The following SPAST variants were observed in gnomAD, a reference collection of about 807,000 sequenced individuals.
The protein encoded by SPAST is spastic paraplegia 4 (autosomal dominant; spastin).
SPAST carries 30 observed loss-of-function variants against 76.6 expected under a neutral mutation model. That is an observed-to-expected ratio of 0.39 (90% CI 0.29 to 0.53). The LOEUF (loss-of-function observed/expected upper bound fraction) is 0.53. SPAST is among the 20% of genes least tolerant of loss of function. SPAST has a pLI of 0.68. For synonymous variants in SPAST, 305 were observed against 281.0 expected (o/e 1.09, Z -0.86); for missense variants, 717 against 770.5 (o/e 0.93, Z 0.82).
intron 1 of SPAST, among the ~76,000 whole-genome samples, chr2:32,083,848 C>T (rs72796853): frequency 0.023 from 3,234 of 141,634 alleles, 47 homozygotes; most frequent in Non-Finnish European, 0.036. Context: ...TCTTGGCTTA[C>T]CGCAACCTCA....
In SPAST at chr2:32,156,666, C is replaced by A. The variant is rs1236768342; in HGVS notation, c.*2170C>A. Reference sequence around the variant, plus strand: ...TCATTGTTTTCATTTAAAAGATTAACGTTATTGATACTTGGATAACTGGCT... The same window carrying A: ...TCATTGTTTTCATTTAAAAGATTAAAGTTATTGATACTTGGATAACTGGCT... On this transcript the variant is annotated 3_prime_UTR_variant, in exon 17 of 17. Transcript: ENST00000315285. 2.0e-5 allele frequency: 3 copies of A among 147,222 alleles called. No individual in the cohort carries two copies. The highest frequency in any genetic ancestry group is 4.5e-5 in the Non-Finnish European group (3 of 66,474). 9.1% of individuals were successfully genotyped at this position (147,222 alleles called of 1,614,324 possible).
chr2:32,100,973 C>T (rs1329865849), intron 4 of SPAST, among the ~76,000 whole-genome samples: 1 of 152,148 alleles, frequency 6.6e-6, no homozygotes, highest in Non-Finnish European at 1.5e-5. Context: ...TGGGTATATA[C>T]CCAGTAATGG....
At chr2:32,125,583 A>G (rs1400100442) in intron 7 of SPAST, among the ~76,000 whole-genome samples, 2 of 151,770 alleles carry the variant, frequency 1.3e-5, no homozygotes, top group Non-Finnish European at 2.9e-5. Context: ...AAGTACATAC[A>G]CCTTCACTGT....
intron 1 of SPAST, among the ~76,000 whole-genome samples, chr2:32,077,395 A>G (rs1306977346): frequency 2.6e-5 from 4 of 152,192 alleles, no homozygotes. Context: ...AGGAGGATTT[A>G]AGTTAATCAA....
rs1269464274 is a variant in SPAST at position 32,088,515 on chromosome 2, G to A, written c.502+937G>A. 3.9e-5 allele frequency among the ~76,000 whole-genome samples: 6 copies of A among 152,112 alleles called. No individual in the cohort carries two copies. The East Asian group carries it at 9.6e-4, about 24-fold the overall frequency. ...CAAAATTAGCCAGGCGTGGTGTCGC[G>A]CACCTGTAATTGCAGCTACTTGGGA... On this transcript the variant is annotated intron_variant, in intron 2 of 16. Coordinates refer to ENST00000315285, the MANE Select transcript of SPAST (RefSeq NM_014946.4).
At chr2:32,138,053 A>C (rs1679598451) in intron 12 of SPAST, among the ~76,000 whole-genome samples, 1 of 152,106 alleles carries the variant, frequency 6.6e-6, no homozygotes. Flanking sequence ...CATTTTCTTT[A>C]TCCAGTCCAC....
chr2:32,065,176 C>A (rs1379125114), intron 1 of SPAST, among the ~76,000 whole-genome samples: 2 of 151,998 alleles, frequency 1.3e-5, no homozygotes, highest in African/African-American at 4.8e-5. Context: ...CGCACCACCA[C>A]GCCTGGCTAA....
At chr2:32,125,988 G>A (rs549926310) in intron 7 of SPAST, among the ~76,000 whole-genome samples, 1 of 152,132 alleles carries the variant, frequency 6.6e-6, no homozygotes, top group Admixed American at 6.5e-5. Flanking sequence ...GTAGAGACGG[G>A]GTTTCATCGT....
intron 3 of SPAST, among the ~76,000 whole-genome samples, chr2:32,093,197 G>A (rs1171759159): frequency 6.7e-6 from 1 of 148,532 alleles, no homozygotes; most frequent in South Asian, 2.1e-4. Flanking sequence ...TGTAGTCCCA[G>A]CTACTTGGGA....
chr2:32,072,275 C>T lies in SPAST; in HGVS notation c.415+8029C>T, dbSNP rs191805947. 4.2e-3 allele frequency among the ~76,000 whole-genome samples: 633 copies of T among 152,198 alleles called. 9 individuals carry two copies. The highest frequency in any genetic ancestry group is 0.015 in the African/African-American group (622 of 41,524). On this transcript the variant is annotated intron_variant, in intron 1 of 16. Transcript: ENST00000315285. ...GGCCAGGATGGTCTCGATCTCTTGA[C>T]CTCGTGATTCACCCGCCTCGGCCTC...
rs760322678 is a variant in SPAST, at chr2:32,141,890, A to AT, written c.1494-3dup. The AT allele has an allele frequency of 8.8e-3, 10,507 of 1,188,068 alleles. No individual in the cohort carries two copies. The highest frequency in any genetic ancestry group is 1.0e-2 in the Non-Finnish European group (8,617 of 862,184). 73.6% of individuals were successfully genotyped at this position (1,188,068 alleles called of 1,614,324 possible). A position where few individuals can be genotyped will look rare whatever the true frequency, so the allele number is the denominator to read the frequency against. ...AAAATTATATTTCTAAAAGTGCTGG[A>AT]TTTTTTTTTTTAGGCGTTTCATCAA... On this transcript the variant is annotated splice_polypyrimidine_tract_variant and intron_variant, in intron 12 of 16. Transcript: ENST00000315285.
intron 7 of SPAST, among the ~76,000 whole-genome samples, chr2:32,121,504 TA>T (rs1366297787): frequency 4.0e-5 from 6 of 150,422 alleles, no homozygotes; most frequent in Non-Finnish European, 8.9e-5. Context: ...TTCTTTAATT[TA>T]AAAAAAGTTT....
At chr2:32,073,942 T>G (rs1402820178) in intron 1 of SPAST, among the ~76,000 whole-genome samples, 1 of 152,182 alleles carries the variant, frequency 6.6e-6, no homozygotes. Flanking sequence ...ATTAACTTCA[T>G]AAGTGGGCTT....
chr2:32,089,546 G>A lies in SPAST; in HGVS notation c.527G>A (p.Arg176His), dbSNP rs1331924378. 3.7e-6 allele frequency: 6 copies of A among 1,601,306 alleles called. No homozygotes were observed. Among genetic ancestry groups the A allele is most frequent in the Admixed American group, 1.7e-5 (1 of 59,922 alleles). Residue 176 changes from arginine to histidine, a missense_variant, in exon 3 of 17, where the codon CGC becomes CAC. Arg to His is a conservative substitution (Grantham distance 29, BLOSUM62 0). Around this residue, in one of 3 missense-constraint regions of SPAST, gnomAD observed 543 missense variants for 445.2 expected, o/e 1.22. Transcript: ENST00000315285. Reference protein sequence around the residue: ...GQGEQCERARRLQAKMMTNLV... With the variant: ...GQGEQCERARHLQAKMMTNLV... ...GGTGAACAGTGTGAAAGAGCTAGAC[G>A]CCTTCAAGCTAAAATGATGACTAAT...
At chr2:32,128,293 C>T in intron 8 of SPAST, 115 bp from the exon 9 acceptor site, 1 of 786,928 alleles carries the variant, frequency 1.3e-6, no homozygotes, top group South Asian at 1.5e-5. Flanking sequence ...CCACACCTGG[C>T]CTCATAGCTT....
At chr2:32,106,885 T>TA (rs1353333812) in intron 4 of SPAST, among the ~76,000 whole-genome samples, 1 of 149,232 alleles carries the variant, frequency 6.7e-6, no homozygotes, top group Non-Finnish European at 1.5e-5. Context: ...AGAAGGCACT[T>TA]ACTGAAAAAA....
At chr2:32,120,567 C>T (rs1678983706) in intron 7 of SPAST, among the ~76,000 whole-genome samples, 2 of 142,434 alleles carry the variant, frequency 1.4e-5, no homozygotes, top group African/African-American at 2.6e-5. Flanking sequence ...CCTGTTAACT[C>T]AGGTCTTTTT....
At chr2:32,097,152 T>G (rs556747810) in intron 3 of SPAST, among the ~76,000 whole-genome samples, 23 of 152,286 alleles carry the variant, frequency 1.5e-4, no homozygotes, top group African/African-American at 4.8e-4. Context: ...AGCACAATAC[T>G]CCACTTGGGG....
At chr2:32,080,035 T>G (rs1677141645) in intron 1 of SPAST, among the ~76,000 whole-genome samples, 1 of 152,234 alleles carries the variant, frequency 6.6e-6, no homozygotes, top group Non-Finnish European at 1.5e-5. Flanking sequence ...CTGCACCATT[T>G]TGCATTCCCA....
Sources: allele counts gnomAD v4.1 joint callset (sites outside exome capture counted in the v4.1 genomes callset), GRCh38; gene constraint gnomAD v4.1.1; regional missense constraint gnomAD v4.1.1; transcripts MANE v1.5; gene names NCBI Gene and HGNC (gene_info 2026-07-23, HGNC 2026-07-21).